Variants in TRIO observed in about 807,000 individuals in gnomAD.
TRIO encodes trio Rho guanine nucleotide exchange factor.
Under a neutral mutation model 351.9 loss-of-function variants are expected in TRIO, and 58 were observed. That is an observed-to-expected ratio of 0.16 (90% CI 0.13 to 0.21). The LOEUF (loss-of-function observed/expected upper bound fraction) is 0.21. Ranked by LOEUF, TRIO falls within the 10% of genes least tolerant of loss-of-function variation. The pLI, the probability that TRIO is intolerant of heterozygous loss-of-function variation, is 1.00. For synonymous variants in TRIO, 1,758 were observed against 1,595.7 expected, an observed-to-expected ratio of 1.10 and a Z score of -2.42; for missense variants, 3,201 against 4,027.8, an observed-to-expected ratio of 0.79 and a Z score of 5.56.
At chr5:14,336,212 G>C (rs1383489299) in intron 10 of TRIO, among the ~76,000 whole-genome samples, 1 of 152,056 alleles carries the variant, frequency 6.6e-6, no homozygotes, top group African/African-American at 2.4e-5. Flanking sequence ...TGTTGCTGGG[G>C]GCCGTCTCCT....
intron 1 of TRIO, among the ~76,000 whole-genome samples, chr5:14,254,183 T>TC (rs1040172587): frequency 1.5e-4 from 22 of 151,026 alleles, no homozygotes; most frequent in African/African-American, 5.1e-4. Context: ...TCAATAGTTC[T>TC]CCCCCCCTCC....
At chr5:14,226,696 T>C (rs1249209924) in intron 1 of TRIO, among the ~76,000 whole-genome samples, 1 of 152,230 alleles carries the variant, frequency 6.6e-6, no homozygotes, top group Non-Finnish European at 1.5e-5. Flanking sequence ...AAGCATTACG[T>C]CTTCACTTAT....
intron 13 of TRIO, among the ~76,000 whole-genome samples, chr5:14,361,026 A>G (rs1744105468): frequency 6.6e-6 from 1 of 152,178 alleles, no homozygotes; most frequent in Non-Finnish European, 1.5e-5. Flanking sequence ...GCACAGAATA[A>G]ACGGGAGGCC....
At chr5:14,444,999 C>T (rs1241135489) in intron 34 of TRIO, among the ~76,000 whole-genome samples, 4 of 152,192 alleles carry the variant, frequency 2.6e-5, no homozygotes, top group East Asian at 1.9e-4. Context: ...GCACCCTCCT[C>T]GTTTAACTGT....
At chr5:14,302,433 A>G (rs181092655) in intron 7 of TRIO, among the ~76,000 whole-genome samples, 1 of 152,204 alleles carries the variant, frequency 6.6e-6, no homozygotes, top group Non-Finnish European at 1.5e-5. Flanking sequence ...CAATAATTTA[A>G]TAATTGGTAT....
chr5:14,201,452 G>T (rs1407515115), intron 1 of TRIO, among the ~76,000 whole-genome samples: 1 of 152,130 alleles, frequency 6.6e-6, no homozygotes, highest in Non-Finnish European at 1.5e-5. Context: ...GTTAATTACA[G>T]ATAAATACAT....
At chr5:14,492,042 T>C (rs1756528005) in intron 48 of TRIO, among the ~76,000 whole-genome samples, 1 of 152,246 alleles carries the variant, frequency 6.6e-6, no homozygotes, top group Admixed American at 6.5e-5. Context: ...TGATTAGGCA[T>C]GTCAGCAACT....
At chr5:14,315,428 T>G (rs1170492906) in intron 8 of TRIO, among the ~76,000 whole-genome samples, 1 of 152,058 alleles carries the variant, frequency 6.6e-6, no homozygotes, top group Non-Finnish European at 1.5e-5. Flanking sequence ...AATTTTTGTA[T>G]TTTTAGTAGA....
At chr5:14,280,072 C>G (rs1328625191) in intron 2 of TRIO, among the ~76,000 whole-genome samples, 2 of 152,040 alleles carry the variant, frequency 1.3e-5, no homozygotes, top group African/African-American at 2.4e-5. Flanking sequence ...GAGTTTTTCC[C>G]AAAACATTGG....
intron 42 of TRIO, 39 bp from the exon 43 acceptor site, chr5:14,479,879 GA>G (rs771767491): frequency 2.3e-5 from 36 of 1,595,226 alleles, no homozygotes; most frequent in Non-Finnish European, 3.0e-5. Context: ...GCCCTTTAAT[GA>G]ACAGCCCATA....
chr5:14,161,687 G>T (rs1258888533), intron 1 of TRIO, among the ~76,000 whole-genome samples: 1 of 152,134 alleles, frequency 6.6e-6, no homozygotes, highest in Non-Finnish European at 1.5e-5. Context: ...TGATTTAGTG[G>T]TTCTAGATTA....
intron 1 of TRIO, among the ~76,000 whole-genome samples, chr5:14,222,066 A>C (rs1006241740): frequency 6.6e-6 from 1 of 151,794 alleles, no homozygotes; most frequent in Non-Finnish European, 1.5e-5. Context: ...AGCCATCCAC[A>C]TCGCGGCAAG....
At chr5:14,423,848 G>C (rs1010491017) in intron 34 of TRIO, among the ~76,000 whole-genome samples, 2 of 151,552 alleles carry the variant, frequency 1.3e-5, no homozygotes, top group African/African-American at 4.9e-5. Flanking sequence ...CCCAGGGCCT[G>C]TGTCCCGCAC....
intron 1 of TRIO, among the ~76,000 whole-genome samples, chr5:14,210,849 T>C (rs1791844049): frequency 6.6e-6 from 1 of 152,110 alleles, no homozygotes; most frequent in Non-Finnish European, 1.5e-5. Context: ...GGATGACACA[T>C]ATTCAAAAAG....
chr5:14,382,589 A>G (rs1746204457), intron 21 of TRIO, among the ~76,000 whole-genome samples: 1 of 152,350 alleles, frequency 6.6e-6, no homozygotes, highest in African/African-American at 2.4e-5. Context: ...CAGAGGCACA[A>G]TGAGCTCTAA....
chr5:14,427,754 TG>T (rs1750770611), intron 34 of TRIO, among the ~76,000 whole-genome samples: 1 of 152,172 alleles, frequency 6.6e-6, no homozygotes, highest in South Asian at 2.1e-4. Flanking sequence ...GACCTGCCGA[TG>T]GTCCAGGCTG....
At chr5:14,350,482 C>T (rs750999191) in intron 11 of TRIO, among the ~76,000 whole-genome samples, 1 of 152,120 alleles carries the variant, frequency 6.6e-6, no homozygotes, top group African/African-American at 2.4e-5. Context: ...CATGGTGTTC[C>T]GTCTGTGAGC....
chr5:14,266,021 A>T (rs940555067), intron 1 of TRIO, among the ~76,000 whole-genome samples: 6 of 152,108 alleles, frequency 3.9e-5, no homozygotes, highest in African/African-American at 1.4e-4. Flanking sequence ...GGTTGAGTTC[A>T]TTGATTGATT....
chr5:14,215,986 C>T (rs1792192089), intron 1 of TRIO, among the ~76,000 whole-genome samples: 1 of 152,164 alleles, frequency 6.6e-6, no homozygotes. Context: ...CTTAGCCATG[C>T]TGCTTGCCTT....
Sources: gnomAD v4.1 joint callset for allele counts (sites outside exome capture counted in the v4.1 genomes callset) on GRCh38, gnomAD v4.1.1 for gene constraint, MANE v1.5 for transcripts, NCBI Gene and HGNC (gene_info 2026-07-23, HGNC 2026-07-21) for gene names.